Variants in TRHDE observed in about 807,000 individuals in gnomAD.
TRHDE encodes thyrotropin releasing hormone degrading enzyme.
TRHDE carries 72 observed loss-of-function variants against 125.7 expected under a neutral mutation model. The observed-to-expected ratio is 0.57, with a 90% CI of 0.47 to 0.70. TRHDE has a LOEUF of 0.70. Among genes scored for constraint, TRHDE ranks in the 30% least tolerant of loss-of-function variants. The probability of loss-of-function intolerance (pLI) is 0.00; values close to 1 mark genes in which losing one functional copy is unlikely to be tolerated. For synonymous variants in TRHDE, 509 were observed against 509.1 expected, an observed-to-expected ratio of 1.00 and a Z score of 0.00; for missense variants, 1,110 against 1,327.1, an observed-to-expected ratio of 0.84 and a Z score of 2.54.
intron 7 of TRHDE, among the ~76,000 whole-genome samples, chr12:72,556,213 G>A (rs1869915020): frequency 6.6e-6 from 1 of 151,966 alleles, no homozygotes; most frequent in African/African-American, 2.4e-5. Flanking sequence ...TCTTACTACG[G>A]GTTGCCAAGA....
chr12:72,372,065 C>G (rs1469807518), intron 2 of TRHDE, among the ~76,000 whole-genome samples: 1 of 152,124 alleles, frequency 6.6e-6, no homozygotes, highest in Non-Finnish European at 1.5e-5. Context: ...TGTTTCCTGA[C>G]TTTTTAATGA....
At chr12:72,364,957 A>G (rs1392095480) in intron 2 of TRHDE, among the ~76,000 whole-genome samples, 10 of 152,104 alleles carry the variant, frequency 6.6e-5, no homozygotes, top group Admixed American at 6.6e-4. Flanking sequence ...GAACAACCAA[A>G]AAGTGCAGTT....
At chr12:72,184,757 G>A (rs1027244263) in intron 2 of TRHDE, among the ~76,000 whole-genome samples, 1 of 152,192 alleles carries the variant, frequency 6.6e-6, no homozygotes, top group Non-Finnish European at 1.5e-5. Context: ...GAGGTGAAGG[G>A]TATGGCTTTT....
At chr12:72,451,191 T>A (rs1275606228) in intron 3 of TRHDE, among the ~76,000 whole-genome samples, 3 of 152,162 alleles carry the variant, frequency 2.0e-5, no homozygotes, top group Non-Finnish European at 4.4e-5. Flanking sequence ...CCAAAAAAAA[T>A]TATTGCCCAA....
chr12:72,183,124 AT>A (rs1877127882), intron 2 of TRHDE, among the ~76,000 whole-genome samples: 1 of 152,140 alleles, frequency 6.6e-6, no homozygotes, highest in African/African-American at 2.4e-5. Flanking sequence ...ACAAACTTCT[AT>A]TACTTAACTT....
chr12:72,388,799 C>A (rs898262028), intron 3 of TRHDE, among the ~76,000 whole-genome samples: 1 of 151,418 alleles, frequency 6.6e-6, no homozygotes, highest in South Asian at 2.1e-4. Context: ...GGATTATTAT[C>A]ATAGCTATCC....
chr12:72,199,403 A>C (rs1877510224), intron 2 of TRHDE, among the ~76,000 whole-genome samples: 1 of 152,202 alleles, frequency 6.6e-6, no homozygotes, highest in Non-Finnish European at 1.5e-5. Context: ...TAGAGTGCCA[A>C]TGACTAGGAG....
intron 10 of TRHDE, among the ~76,000 whole-genome samples, chr12:72,571,014 G>T (rs1870700777): frequency 6.7e-6 from 1 of 148,182 alleles, no homozygotes; most frequent in African/African-American, 2.5e-5. Context: ...ACAAAAATCT[G>T]CAAAGTTTAC....
chr12:72,556,046 C>T (rs1328705917), intron 7 of TRHDE, among the ~76,000 whole-genome samples: 1 of 152,176 alleles, frequency 6.6e-6, no homozygotes. Context: ...TTCTCTCCAA[C>T]ATTCTTGTCT....
chr12:72,378,423 T>C (rs1281573832), intron 3 of TRHDE, among the ~76,000 whole-genome samples: 1 of 152,174 alleles, frequency 6.6e-6, no homozygotes, highest in Non-Finnish European at 1.5e-5. Context: ...CAACATCATA[T>C]TTAATCAGTA....
chr12:72,638,852 T>C (rs1165596938), intron 15 of TRHDE, among the ~76,000 whole-genome samples: 11 of 152,222 alleles, frequency 7.2e-5, no homozygotes, highest in South Asian at 2.1e-4. Context: ...TTCTGGCTTG[T>C]AGGGTTTCTG....
intron 1 of TRHDE, among the ~76,000 whole-genome samples, chr12:72,285,520 TTC>T (rs1879847224): frequency 9.0e-6 from 1 of 111,300 alleles, no homozygotes; most frequent in Admixed American, 1.0e-4. Flanking sequence ...CCTTTTTTTC[TTC>T]TTTTTTTTTT....
At chr12:72,226,980 T>G (rs1878140938) in intron 2 of TRHDE, among the ~76,000 whole-genome samples, 1 of 152,170 alleles carries the variant, frequency 6.6e-6, no homozygotes, top group African/African-American at 2.4e-5. Flanking sequence ...TAAAGCACCC[T>G]TAGTTGCCAG....
chr12:72,592,709 T>C lies in TRHDE; in HGVS notation c.2321+17167T>C, dbSNP rs1202371015. Among the ~76,000 whole-genome samples the C allele has an allele frequency of 1.6e-4, 11 of 70,326 alleles. No individual in the cohort carries two copies. The African/African-American group carries it at 2.0e-3, about 13-fold the overall frequency. The allele number at this position is 70,326 out of a possible 152,430, so 46.1% of individuals were successfully genotyped here. ...TAGGTGATTTCTTTTCTTTTCTTTC[T>C]TTTTTTTTTTTCTTCTTTGAGATGA... On this transcript the variant is annotated intron_variant, in intron 12 of 18. Transcript: ENST00000261180.
In TRHDE at chr12:72,663,271, G is replaced by T. The variant is rs1359438200; in HGVS notation, c.*76G>T. 1 of 1,250,154 alleles carries T rather than the reference G, an allele frequency of 8.0e-7. No individual in the cohort carries two copies. The allele number at this position is 1,250,154 out of a possible 1,614,324, so 77.4% of individuals were successfully genotyped here. A position where few individuals can be genotyped will look rare whatever the true frequency, so the allele number is the denominator to read the frequency against. On this transcript the variant is annotated 3_prime_UTR_variant, in exon 19 of 19. Transcript: ENST00000261180. Reference sequence around the variant, plus strand: ...ACGCTTTTTGTGGAATGAGGAAAATGTACTACCTAGAAAATGGCCAGATTT... The same window carrying T: ...ACGCTTTTTGTGGAATGAGGAAAATTTACTACCTAGAAAATGGCCAGATTT...
At chr12:72,292,994 G>T (rs1277930442) in intron 2 of TRHDE, among the ~76,000 whole-genome samples, 1 of 152,206 alleles carries the variant, frequency 6.6e-6, no homozygotes, top group Non-Finnish European at 1.5e-5. Context: ...CTCAGTGGGA[G>T]AGGTCTCGTT....
At chr12:72,485,186 A>C (rs1877346262) in intron 5 of TRHDE, among the ~76,000 whole-genome samples, 2 of 152,078 alleles carry the variant, frequency 1.3e-5, no homozygotes, top group Admixed American at 6.5e-5. Context: ...ACACCCAGAG[A>C]AGGAGTGTGG....
chr12:72,219,598 C>G lies in TRHDE; in HGVS notation n.279+113846C>G, dbSNP rs146932011. 1.7e-3 allele frequency among the ~76,000 whole-genome samples: 253 copies of G among 152,150 alleles called. 2 individuals carry two copies. Among genetic ancestry groups the G allele is most frequent in the African/African-American group, 5.9e-3 (244 of 41,510 alleles). On this transcript the variant is annotated intron_variant and non_coding_transcript_variant, in intron 2 of 4. Coordinates refer to the TRHDE transcript ENST00000548156. ...GGGGGTCCACATGACAGGCCTATTGCTAAAAGGAGGTGAGAGAAACTGCAT... is the reference window on the plus strand; with the variant it reads ...GGGGGTCCACATGACAGGCCTATTGGTAAAAGGAGGTGAGAGAAACTGCAT...
intron 2 of TRHDE, chr12:72,167,556 AGGTTGAT>A (rs1876779863): frequency 6.6e-6 from 1 of 152,196 alleles, no homozygotes; most frequent in Non-Finnish European, 1.5e-5. Flanking sequence ...ATAAAGCATC[AGGTTGAT>A]GCTTAAGGGA....
Sources: allele counts gnomAD v4.1 joint callset (sites outside exome capture counted in the v4.1 genomes callset), GRCh38; gene constraint gnomAD v4.1.1; transcripts MANE v1.5; gene names NCBI Gene and HGNC (gene_info 2026-07-23, HGNC 2026-07-21).